CCDC81: variants seen among roughly 807,000 people sequenced by gnomAD.
CCDC81 encodes coiled-coil domain containing 81.
In CCDC81, 79 loss-of-function variants were observed where a neutral mutation model predicts 83.7. The ratio of observed to expected loss-of-function variants is 0.94; its 90% CI spans 0.79 to 1.14. CCDC81 has a LOEUF of 1.14. CCDC81 is among the 50% of genes most tolerant of loss of function. The pLI is 0.00. For synonymous variants in CCDC81, 252 were observed against 278.1 expected (o/e 0.91, Z 0.93); for missense variants, 791 against 778.1 (o/e 1.02, Z -0.20).
In CCDC81 at chr11:86,389,120, C is replaced by T. The variant is rs186538115; in HGVS notation, c.298+1448C>T. Among the ~76,000 whole-genome samples, 29 of 152,074 alleles carry T rather than the reference C, an allele frequency of 1.9e-4. 1 individual carries two copies. The South Asian group carries it at 3.3e-3, about 17-fold the overall frequency. On this transcript the variant is annotated intron_variant, in intron 3 of 14. Coordinates refer to ENST00000445632, the MANE Select transcript of CCDC81 (RefSeq NM_001156474.2). ...GCCTTGGCAACATAGCAAGCTCCTGCCTCTACAAAAAATTATTTAAAAAAC... is the reference window on the plus strand; with the variant it reads ...GCCTTGGCAACATAGCAAGCTCCTGTCTCTACAAAAAATTATTTAAAAAAC...
Position 86,412,527 on chromosome 11 carries a change from G to A in CCDC81, c.1359G>A (p.Met453Ile). The A allele has an allele frequency of 6.2e-7, 1 of 1,612,576 alleles. No individual in the cohort carries two copies. The highest frequency in any genetic ancestry group is 8.5e-7 in the Non-Finnish European group (1 of 1,179,466). Residue 453 changes from methionine (M) to isoleucine (I), a missense_variant, in exon 11 of 15, where the codon ATG becomes ATA. Coordinates refer to ENST00000445632, the MANE Select transcript of CCDC81 (RefSeq NM_001156474.2). Reference protein sequence around the residue: ...EIKQRQYRELMDRLEQVQLTE... With the variant: ...EIKQRQYRELIDRLEQVQLTE... ...AGCAAAGACAATACAGAGAGTTGATGGACCGCCTGGAACAAGTGCAACTCA... is the reference window on the plus strand; with the variant it reads ...AGCAAAGACAATACAGAGAGTTGATAGACCGCCTGGAACAAGTGCAACTCA...
chr11:86,397,979 A>T (rs1948432949), intron 6 of CCDC81, among the ~76,000 whole-genome samples: 1 of 151,972 alleles, frequency 6.6e-6, no homozygotes, highest in Non-Finnish European at 1.5e-5. Flanking sequence ...CCTCCCGAGC[A>T]GCTGAGATTA....
chr11:86,399,667 C>T (rs901350117), intron 6 of CCDC81, among the ~76,000 whole-genome samples: 2 of 151,644 alleles, frequency 1.3e-5, no homozygotes, highest in Non-Finnish European at 2.9e-5. Flanking sequence ...TCCTTTTGTT[C>T]ATTTTTTTTT....
chr11:86,410,272 T>C (rs1948624054), intron 10 of CCDC81, among the ~76,000 whole-genome samples: 2 of 152,216 alleles, frequency 1.3e-5, no homozygotes, highest in Admixed American at 6.5e-5. Flanking sequence ...TTATAATTTA[T>C]TTATTCATCA....
intron 7 of CCDC81, among the ~76,000 whole-genome samples, chr11:86,407,018 T>C (rs184414571): frequency 2.7e-4 from 40 of 149,258 alleles, no homozygotes; most frequent in Admixed American, 1.5e-3. Context: ...GTCTTTTCCA[T>C]CAGATATCTA....
Position 86,387,227 on chromosome 11 carries a change from A to C in CCDC81, c.142-289A>C, listed in dbSNP as rs189349827. ...TTTAGGACAGGAGTAATCTGGGTTA[A>C]AGATTAAAAGATGCTATGGCATTCA... On this transcript the variant is annotated intron_variant, in intron 2 of 14. Coordinates refer to ENST00000445632, the MANE Select transcript of CCDC81 (RefSeq NM_001156474.2). Among the ~76,000 whole-genome samples the C allele has an allele frequency of 2.7e-3, 415 of 152,308 alleles. 3 individuals carry two copies. Among genetic ancestry groups the C allele is most frequent in the Non-Finnish European group, 4.5e-3 (303 of 68,016 alleles).
intron 3 of CCDC81, among the ~76,000 whole-genome samples, chr11:86,390,082 C>T (rs11234629): frequency 0.17 from 26,461 of 151,760 alleles, 2,402 homozygotes; most frequent in South Asian, 0.23. Context: ...TCCAGCCTGG[C>T]GACAGAGTGA....
intron 7 of CCDC81, among the ~76,000 whole-genome samples, chr11:86,403,687 G>A (rs558186015): frequency 6.6e-6 from 1 of 152,164 alleles, no homozygotes; most frequent in East Asian, 1.9e-4. Flanking sequence ...TAATATGGGT[G>A]GGACTCTGGG....
At chr11:86,400,584 T>C in intron 6 of CCDC81, 94 bp from the exon 7 acceptor site, 1 of 1,220,164 alleles carries the variant, frequency 8.2e-7, no homozygotes, top group Non-Finnish European at 1.1e-6. Flanking sequence ...TAAGAGAGTG[T>C]ATCTTATATG....
At chr11:86,394,356 G>A (rs1228335221) in intron 4 of CCDC81, among the ~76,000 whole-genome samples, 1 of 152,218 alleles carries the variant, frequency 6.6e-6, no homozygotes, top group Non-Finnish European at 1.5e-5. Flanking sequence ...GAAAACTGCT[G>A]ATCGAATCAG....
intron 4 of CCDC81, chr11:86,395,122 C>T (rs928863098): frequency 9.9e-6 from 4 of 404,486 alleles, no homozygotes; most frequent in Non-Finnish European, 1.8e-5. Flanking sequence ...AAGGCAACAC[C>T]GAAAGAATTG....
rs1016207547 is a variant in CCDC81 at position 86,422,815 on chromosome 11, T to C, written c.*100T>C. The C allele has an allele frequency of 1.1e-5, 14 of 1,234,982 alleles. No homozygotes were observed. In the African/African-American group the frequency reaches 1.8e-4, roughly 16 times the overall value. 76.5% of individuals were successfully genotyped at this position (1,234,982 alleles called of 1,614,324 possible). A position where few individuals can be genotyped will look rare whatever the true frequency, so the allele number is the denominator to read the frequency against. On this transcript the variant is annotated 3_prime_UTR_variant, in exon 15 of 15. Transcript: ENST00000445632. Reference sequence around the variant, plus strand: ...CGTATTTTTACCTCAGAGAAAAAAATCATTGTTTAGGTTTGGTGCTTTCAT... The same window carrying C: ...CGTATTTTTACCTCAGAGAAAAAAACCATTGTTTAGGTTTGGTGCTTTCAT...
chr11:86,393,043 C>G (rs1373604127), intron 4 of CCDC81, among the ~76,000 whole-genome samples: 1 of 152,104 alleles, frequency 6.6e-6, no homozygotes, highest in Non-Finnish European at 1.5e-5. Context: ...GAATTCTGAA[C>G]ATTTTATAGT....
At chr11:86,402,094 C>T (rs1170375468) in intron 7 of CCDC81, among the ~76,000 whole-genome samples, 1 of 131,744 alleles carries the variant, frequency 7.6e-6, no homozygotes, top group Non-Finnish European at 1.5e-5. Context: ...AAGATAGTGC[C>T]ACTGCTCTCT....
chr11:86,395,268 G>A, intron 4 of CCDC81, 66 bp from the exon 5 acceptor site: 1 of 1,324,050 alleles, frequency 7.6e-7, no homozygotes. Context: ...TGAGCCTGCA[G>A]TTTTTAATTT....
At chr11:86,398,124 C>CGGTG (rs1007409303) in intron 6 of CCDC81, among the ~76,000 whole-genome samples, 7 of 152,108 alleles carry the variant, frequency 4.6e-5, no homozygotes, top group African/African-American at 1.4e-4. Flanking sequence ...CATGAACCAC[C>CGGTG]GCACCCAGCC....
chr11:86,392,478 T>C (rs1452056811), intron 3 of CCDC81, 63 bp from the exon 4 acceptor site: 1 of 1,500,442 alleles, frequency 6.7e-7, no homozygotes, highest in Admixed American at 2.2e-5. Flanking sequence ...TGAGTGTGTA[T>C]GATATGTCCT....
At chr11:86,415,741 A>G (rs753246304) in intron 13 of CCDC81, among the ~76,000 whole-genome samples, 11 of 152,090 alleles carry the variant, frequency 7.2e-5, no homozygotes, top group Non-Finnish European at 1.6e-4. Flanking sequence ...TGGCATGATC[A>G]TGGCTCACTG....
At position 86,400,740 on chromosome 11, in the gene CCDC81, G is replaced by A; in HGVS notation, c.820G>A (p.Val274Ile). 2 of 1,613,102 alleles carry A rather than the reference G, an allele frequency of 1.2e-6. No homozygotes were observed. Among genetic ancestry groups the A allele is most frequent in the South Asian group, 1.1e-5 (1 of 90,982 alleles). The change falls in exon 7 of 15, where the codon GTC becomes ATC. Residue 274 changes from valine to isoleucine, a missense_variant. Coordinates refer to ENST00000445632, the MANE Select transcript of CCDC81 (RefSeq NM_001156474.2). ...TTTGTTCCCTGCCAAAGTGACAAAT[G>A]TCAGCTTGCTGGAAAAGTTTGAACG... Reference protein sequence around the residue: ...QALFPAKVTNVSLLEKFERSE... With the variant: ...QALFPAKVTNISLLEKFERSE...
Sources: allele counts gnomAD v4.1 joint callset (sites outside exome capture counted in the v4.1 genomes callset), GRCh38; gene constraint gnomAD v4.1.1; transcripts MANE v1.5; gene names NCBI Gene and HGNC (gene_info 2026-07-23, HGNC 2026-07-21).